TDRD5: variants seen among roughly 807,000 people sequenced by gnomAD.
TDRD5 encodes the protein tudor domain-containing protein 5.
In TDRD5, 41 loss-of-function variants were observed where a neutral mutation model predicts 120.6. That is an observed-to-expected ratio of 0.34 (90% CI 0.26 to 0.44). The LOEUF is 0.44. TDRD5 is among the 20% of genes least tolerant of loss of function. TDRD5 has a pLI of 1.00. For synonymous variants in TDRD5, 430 were observed against 433.7 expected, an observed-to-expected ratio of 0.99 and a Z score of 0.11; for missense variants, 1,006 against 1,221.2, an observed-to-expected ratio of 0.82 and a Z score of 2.63.
At chr1:179,684,781 C>T (rs1363058412) in intron 17 of TDRD5, among the ~76,000 whole-genome samples, 2 of 152,190 alleles carry the variant, frequency 1.3e-5, no homozygotes, top group African/African-American at 4.8e-5. Flanking sequence ...TTTTGATTTG[C>T]GTTTCTCTGA....
chr1:179,669,310 C>A lies in TDRD5; in HGVS notation c.2766C>A (p.Asn922Lys), dbSNP rs112165318. 2.5e-4 allele frequency: 403 copies of A among 1,614,166 alleles called. 1 individual carries two copies. In the African/African-American group the frequency reaches 4.8e-3, roughly 19 times the overall value. The stretch of plus-strand genomic sequence containing the variant: ...ACGGGAGCCAGTCTGAACCCAACAA[C>A]AGTCAGACTCAGCCAAAGCAAATTC... ...SADGSQSEPN[N>K]SQTQPKQIQL... is the part of the protein sequence containing the mutation. The change falls in exon 17 of 18, where the codon AAC becomes AAA. Residue 922 changes from asparagine to lysine, a missense_variant. Asn to Lys is a moderately conservative substitution (Grantham distance 94). Transcript: ENST00000444136.
intron 4 of TDRD5, among the ~76,000 whole-genome samples, chr1:179,617,758 C>G (rs1242738673): frequency 6.6e-6 from 1 of 152,022 alleles, no homozygotes; most frequent in East Asian, 1.9e-4. Flanking sequence ...CTGCTACTTT[C>G]TGATCACATC....
At chr1:179,681,070 CTAT>C (rs1680394352) in intron 17 of TDRD5, among the ~76,000 whole-genome samples, 1 of 67,226 alleles carries the variant, frequency 1.5e-5, no homozygotes, top group African/African-American at 4.3e-5. Flanking sequence ...AAAATTTTAT[CTAT>C]CTATCTACAT....
At chr1:179,623,723 T>C (rs1676970567) in intron 6 of TDRD5, among the ~76,000 whole-genome samples, 1 of 144,240 alleles carries the variant, frequency 6.9e-6, no homozygotes, top group African/African-American at 2.5e-5. Flanking sequence ...AGCCTTGAAC[T>C]CCTGGGCTCA....
intron 17 of TDRD5, among the ~76,000 whole-genome samples, chr1:179,675,270 A>AT (rs879312785): frequency 0.036 from 2,107 of 58,308 alleles, 136 homozygotes; most frequent in African/African-American, 0.081. Flanking sequence ...TATTATTATT[A>AT]TTATTTTTTT....
At chr1:179,654,402 A>G (rs1558409644) in intron 14 of TDRD5, 40 bp downstream of exon 14, 9 of 1,472,920 alleles carry the variant, frequency 6.1e-6, no homozygotes, top group South Asian at 4.2e-5. Context: ...TGTAATTAAT[A>G]TAATACACTG....
chr1:179,645,343 C>T lies in TDRD5; in HGVS notation c.1800+4898C>T, dbSNP rs536823225. On this transcript the variant is annotated intron_variant, in intron 11 of 17. Transcript: ENST00000444136. ...CTCGTGATCCGCCCGCCTCGGCCTCCCAAAGTGCTGGGATTACAGGCGTGA... is the reference window on the plus strand; with the variant it reads ...CTCGTGATCCGCCCGCCTCGGCCTCTCAAAGTGCTGGGATTACAGGCGTGA... Among the ~76,000 whole-genome samples, 332 of 152,098 alleles carry T rather than the reference C, an allele frequency of 2.2e-3. 5 individuals carry two copies. The highest frequency in any genetic ancestry group is 7.5e-3 in the African/African-American group (313 of 41,510).
At chr1:179,597,376 G>C (rs2209921) in intron 4 of TDRD5, among the ~76,000 whole-genome samples, 1 of 138,584 alleles carries the variant, frequency 7.2e-6, no homozygotes, top group Non-Finnish European at 1.5e-5. Context: ...TTGTCACCCA[G>C]GCTGGAGTGC....
At chr1:179,675,274 T>TTTTC (rs1680078986) in intron 17 of TDRD5, among the ~76,000 whole-genome samples, 1 of 38,220 alleles carries the variant, frequency 2.6e-5, no homozygotes, top group African/African-American at 7.9e-5. Flanking sequence ...ATTATTATTA[T>TTTTC]TTTTTTTTTT....
chr1:179,592,426 A>C (rs1304214461), intron 1 of TDRD5, 176 bp from the exon 2 acceptor site: 12 of 569,316 alleles, frequency 2.1e-5, no homozygotes, highest in Non-Finnish European at 3.4e-5. Context: ...GCAGGTGGAG[A>C]TTCAGGGCTT....
intron 14 of TDRD5, among the ~76,000 whole-genome samples, chr1:179,660,211 G>GTTTTT (rs34435630): frequency 5.2e-5 from 3 of 58,172 alleles, no homozygotes; most frequent in Non-Finnish European, 9.1e-5. Context: ...ATCTACTATG[G>GTTTTT]TTTTTTTTTT....
intron 9 of TDRD5, 45 bp from the exon 10 acceptor site, chr1:179,639,793 AT>A: frequency 1.9e-6 from 3 of 1,572,514 alleles, no homozygotes; most frequent in African/African-American, 1.4e-5. Context: ...ATTATCTTTA[AT>A]TTTTTCTTCC....
chr1:179,640,139 T>C, intron 10 of TDRD5, 88 bp downstream of exon 10: 1 of 1,401,158 alleles, frequency 7.1e-7, no homozygotes, highest in Non-Finnish European at 9.9e-7. Context: ...CTCTTTTCTC[T>C]TGCCTTCCTC....
chr1:179,652,102 G>A lies in TDRD5; in HGVS notation c.2065G>A (p.Val689Ile), dbSNP rs1241099149. Residue 689 changes from valine to isoleucine, a missense_variant, in exon 13 of 18, where the codon GTC (valine) becomes ATC (isoleucine). Around this residue, in one of 3 missense-constraint regions of TDRD5, gnomAD observed 403 missense variants for 448.1 expected, o/e 0.90. Coordinates refer to ENST00000444136, the MANE Select transcript of TDRD5 (RefSeq NM_001199085.3). Reference sequence around the variant, plus strand: ...ATCCAGTGGAGGGCCAGAGGACATTGTCTTGACAGAACTGGGTTATCCTTC... The same window carrying A: ...ATCCAGTGGAGGGCCAGAGGACATTATCTTGACAGAACTGGGTTATCCTTC... ...TTSSGGPEDI[V>I]LTELGYPSQQ... 1.9e-5 allele frequency: 30 copies of A among 1,613,914 alleles called. No homozygotes were observed. Among genetic ancestry groups the A allele is most frequent in the African/African-American group, 4.0e-5 (3 of 74,898 alleles).
intron 9 of TDRD5, among the ~76,000 whole-genome samples, chr1:179,636,583 G>T (rs567577394): frequency 6.6e-6 from 1 of 152,284 alleles, no homozygotes; most frequent in Admixed American, 6.5e-5. Flanking sequence ...ATCCCTGAAT[G>T]GATCATACAA....
chr1:179,681,167 G>A (rs960588033), intron 17 of TDRD5, among the ~76,000 whole-genome samples: 5 of 152,090 alleles, frequency 3.3e-5, no homozygotes, highest in African/African-American at 7.2e-5. Flanking sequence ...AGGCTCAACC[G>A]CCTGGGTTCA....
At chr1:179,634,813 A>G (rs1308201501) in intron 8 of TDRD5, among the ~76,000 whole-genome samples, 184 bp downstream of exon 8, 3 of 152,226 alleles carry the variant, frequency 2.0e-5, no homozygotes, top group Non-Finnish European at 4.4e-5. Flanking sequence ...TCAGTCTTTT[A>G]TATAACTAGC....
At chr1:179,683,059 T>C (rs916444654) in intron 17 of TDRD5, among the ~76,000 whole-genome samples, 2 of 152,180 alleles carry the variant, frequency 1.3e-5, no homozygotes, top group Non-Finnish European at 2.9e-5. Flanking sequence ...TGGTACTTTA[T>C]ATCCACAAAT....
chr1:179,662,328 C>T (rs770215600), intron 15 of TDRD5, 42 bp downstream of exon 15: 2 of 1,578,460 alleles, frequency 1.3e-6, no homozygotes, highest in African/African-American at 1.4e-5. Context: ...AGGCCGGGCA[C>T]TGCGGCTCAA....
Sources: gnomAD v4.1 joint callset for allele counts (sites outside exome capture counted in the v4.1 genomes callset) on GRCh38, gnomAD v4.1.1 for gene constraint, gnomAD v4.1.1 regional missense constraint, MANE v1.5 for transcripts, NCBI Gene and HGNC (gene_info 2026-07-23, HGNC 2026-07-21) for gene names.